ZFR: variants seen among roughly 807,000 people sequenced by gnomAD.
ZFR encodes zinc finger RNA-binding protein.
In ZFR, 19 loss-of-function variants were observed where a neutral mutation model predicts 130.7. The observed-to-expected ratio is 0.15, with a 90% confidence interval of 0.10 to 0.21. The LOEUF (loss-of-function observed/expected upper bound fraction) is 0.21, where lower values mean the gene tolerates loss of function less well. Among genes scored for constraint, ZFR ranks in the 10% least tolerant of loss-of-function variants. ZFR has a pLI of 1.00. For missense variants in ZFR, 872 were observed against 1,321.5 expected (o/e 0.66, Z 5.27); for synonymous variants, 466 against 456.9 (o/e 1.02, Z -0.25).
intron 19 of ZFR, among the ~76,000 whole-genome samples, chr5:32,362,849 C>A (rs1185981314): frequency 2.0e-5 from 3 of 152,158 alleles, no homozygotes; most frequent in Non-Finnish European, 2.9e-5. Flanking sequence ...AAGCATTCTT[C>A]TTAATGATGA....
At position 32,355,728 on chromosome 5, in the gene ZFR, T is replaced by C; in HGVS notation, c.*32A>G. 1.3e-6 allele frequency: 2 copies of C among 1,529,368 alleles called. No homozygotes were observed. Among genetic ancestry groups the C allele is most frequent in the Non-Finnish European group, 1.8e-6 (2 of 1,140,860 alleles). The allele number at this position is 1,529,368 out of a possible 1,614,324, so 94.7% of individuals were successfully genotyped here. ...AAAACAGCCAACAAATGGGCATCTGTTTTTTTAACACTGAAGATTTACAGA... is the reference window on the plus strand; with the variant it reads ...AAAACAGCCAACAAATGGGCATCTGCTTTTTTAACACTGAAGATTTACAGA... On this transcript the variant is annotated 3_prime_UTR_variant, in exon 20 of 20. Transcript: ENST00000265069.
At chr5:32,388,068 C>T (rs1041654631) in intron 13 of ZFR, among the ~76,000 whole-genome samples, 1 of 152,012 alleles carries the variant, frequency 6.6e-6, no homozygotes, top group East Asian at 1.9e-4. Context: ...AAAGACATTA[C>T]TAAAGCTTAG....
In ZFR at chr5:32,403,211, T is replaced by C. The variant is rs1404399621; in HGVS notation, c.1411A>G (p.Thr471Ala). The C allele has an allele frequency of 3.7e-6, 6 of 1,614,118 alleles. No homozygotes were observed. Among genetic ancestry groups the C allele is most frequent in the Non-Finnish European group, 5.1e-6 (6 of 1,180,042 alleles). The change falls in exon 8 of 20, where the codon ACT (threonine) becomes GCT (alanine). Residue 471 changes from threonine (T) to alanine (A), a missense_variant. Physicochemically the swap from Thr to Ala is moderately conservative, Grantham distance 58. Around this residue, in one of 7 missense-constraint regions of ZFR, gnomAD observed 143 missense variants for 137.9 expected, o/e 1.04. Coordinates refer to ENST00000265069, the MANE Select transcript of ZFR (RefSeq NM_016107.5). ...VATSSMKGLT[T>A]TGNSSLNSTS... ...CTATTAAGAGACGAGTTTCCTGTAG[T>C]CGTAAGACCCTTCATTGAAGACGTT...
intron 2 of ZFR, among the ~76,000 whole-genome samples, chr5:32,427,366 C>T (rs1437509503): frequency 1.7e-5 from 2 of 116,648 alleles, no homozygotes; most frequent in African/African-American, 7.1e-5. Flanking sequence ...CACAGCAAGA[C>T]TCTGTCTCAA....
chr5:32,361,091 AGGCGTGAGCCACTGTGCCT>A (rs1245172210), intron 19 of ZFR, among the ~76,000 whole-genome samples: 2 of 152,238 alleles, frequency 1.3e-5, no homozygotes, highest in Non-Finnish European at 2.9e-5. Flanking sequence ...TTGAGATTAC[AGGCGTGAGCCACTGTGCCT>A]GGCTCTAACC....
intron 17 of ZFR, chr5:32,364,531 T>C: frequency 5.3e-6 from 1 of 189,364 alleles, no homozygotes; most frequent in East Asian, 1.2e-4. Flanking sequence ...AAGACCAGCC[T>C]GGGCAAGATG....
intron 11 of ZFR, 33 bp downstream of exon 11, chr5:32,395,126 A>G: frequency 1.3e-6 from 2 of 1,553,262 alleles, no homozygotes; most frequent in Non-Finnish European, 1.7e-6. Context: ...AGGCTGAACC[A>G]CTTACCAGGC....
chr5:32,374,894 A>G (rs1346800094), intron 17 of ZFR, among the ~76,000 whole-genome samples: 1 of 152,220 alleles, frequency 6.6e-6, no homozygotes, highest in Non-Finnish European at 1.5e-5. Flanking sequence ...ATAAATTTTT[A>G]TAAACTGACA....
chr5:32,441,153 T>C (rs1754464241), intron 2 of ZFR, among the ~76,000 whole-genome samples: 1 of 152,142 alleles, frequency 6.6e-6, no homozygotes, highest in South Asian at 2.1e-4. Context: ...TTTGTATTTT[T>C]AGTAGTAGAG....
chr5:32,423,892 A>C (rs1754010283), intron 2 of ZFR, among the ~76,000 whole-genome samples: 1 of 152,238 alleles, frequency 6.6e-6, no homozygotes, highest in South Asian at 2.1e-4. Flanking sequence ...ATTCAAGGGA[A>C]AATGATTACT....
At position 32,406,792 on chromosome 5, in the gene ZFR, G is replaced by T. The variant is rs2111784164; in HGVS notation, c.1014C>A (p.Ile338=). ...PQIHYCDVCK[I]SCAGPQTYKE... ...TAAGTACCTGTGGTCCAGCACAGCTGATCTTACAAACATCACAATAGTGAA... is the reference window on the plus strand; with the variant it reads ...TAAGTACCTGTGGTCCAGCACAGCTTATCTTACAAACATCACAATAGTGAA... Residue 338 remains isoleucine (I), a synonymous_variant, in exon 6 of 20, where the codon ATC becomes ATA. Transcript: ENST00000265069. The T allele has an allele frequency of 5.6e-6, 9 of 1,612,800 alleles. No homozygotes were observed. The highest frequency in any genetic ancestry group is 7.6e-6 in the Non-Finnish European group (9 of 1,179,732).
At chr5:32,364,642 G>A in intron 17 of ZFR, 1 of 154,188 alleles carries the variant, frequency 6.5e-6, no homozygotes, top group Non-Finnish European at 1.4e-5. Context: ...ACTGAGGCGG[G>A]AGGATCGCTT....
In ZFR at chr5:32,392,612, T is replaced by C. The variant is rs530000695; in HGVS notation, c.1980-2175A>G. 2.6e-5 allele frequency among the ~76,000 whole-genome samples: 4 copies of C among 152,340 alleles called. No individual in the cohort carries two copies. In the South Asian group the frequency reaches 6.2e-4, roughly 24 times the overall value. ...TCACATTTAATTGGTAGAGATTTTA[T>C]TAAGCTGTAGCAGGGGTTCTCCAGG... On this transcript the variant is annotated intron_variant, in intron 11 of 19. Transcript: ENST00000265069.
At chr5:32,377,092 C>A (rs1380183267) in intron 17 of ZFR, among the ~76,000 whole-genome samples, 1 of 145,984 alleles carries the variant, frequency 6.9e-6, no homozygotes, top group Non-Finnish European at 1.5e-5. Flanking sequence ...GGAGGCGGAG[C>A]TTGCAGTGAG....
intron 8 of ZFR, among the ~76,000 whole-genome samples, chr5:32,401,149 G>A (rs949851611): frequency 6.6e-6 from 1 of 152,174 alleles, no homozygotes; most frequent in Non-Finnish European, 1.5e-5. Flanking sequence ...AACTGTCCAA[G>A]AGAATAGCAT....
chr5:32,425,942 TGATGCA>T (rs1754063964), intron 2 of ZFR, among the ~76,000 whole-genome samples: 1 of 152,246 alleles, frequency 6.6e-6, no homozygotes, highest in African/African-American at 2.4e-5. Context: ...CTTCATTTCA[TGATGCA>T]GACCATTAAC....
At chr5:32,372,022 T>C (rs1752677704) in intron 17 of ZFR, among the ~76,000 whole-genome samples, 1 of 152,138 alleles carries the variant, frequency 6.6e-6, no homozygotes, top group Non-Finnish European at 1.5e-5. Context: ...AGGAGTCCAT[T>C]CTTGGATTGA....
chr5:32,383,798 G>A, intron 15 of ZFR: 1 of 456,558 alleles, frequency 2.2e-6, no homozygotes, highest in Non-Finnish European at 4.4e-6. Flanking sequence ...TCTTCATAAT[G>A]AAGCTAAAGA....
At chr5:32,444,412 AAGAG>A (rs1259219176) in intron 1 of ZFR, 84 bp from the exon 2 acceptor site, 5 of 1,444,550 alleles carry the variant, frequency 3.5e-6, no homozygotes, top group African/African-American at 2.9e-5. Flanking sequence ...CAGGGAGAGA[AAGAG>A]AGAGGCGCCG....
Sources: allele counts gnomAD v4.1 joint callset (sites outside exome capture counted in the v4.1 genomes callset), GRCh38; gene constraint gnomAD v4.1.1; regional missense constraint gnomAD v4.1.1; transcripts MANE v1.5; gene names NCBI Gene and HGNC (gene_info 2026-07-23, HGNC 2026-07-21).